NSUN2: variants seen among roughly 807,000 people sequenced by gnomAD.
NSUN2 encodes the protein NOP2/Sun RNA methyltransferase 2.
A neutral mutation model predicts 92.7 loss-of-function variants in NSUN2; 63 were observed. That is an observed-to-expected ratio of 0.68 (90% CI 0.56 to 0.84). The LOEUF (loss-of-function observed/expected upper bound fraction) is 0.84, where lower values mean the gene tolerates loss of function less well. Ranked by LOEUF, NSUN2 falls within the 40% of genes least tolerant of loss-of-function variation. NSUN2 has a pLI of 0.00. For missense variants in NSUN2, 989 were observed against 964.9 expected, an observed-to-expected ratio of 1.02 and a Z score of -0.33; for synonymous variants, 356 against 348.3, an observed-to-expected ratio of 1.02 and a Z score of -0.25.
At chr5:6,604,726 A>T in intron 15 of NSUN2, 41 bp from the exon 16 acceptor site, 2 of 1,515,632 alleles carry the variant, frequency 1.3e-6, no homozygotes, top group Non-Finnish European at 1.8e-6. Flanking sequence ...AGAGATGAAG[A>T]CAGGACCATC....
chr5:6,614,527 CAGG>C (rs1378993051), intron 9 of NSUN2, among the ~76,000 whole-genome samples: 3 of 152,178 alleles, frequency 2.0e-5, no homozygotes, highest in East Asian at 3.9e-4. Context: ...AGTGGGTTTT[CAGG>C]AGAATGATGG....
intron 14 of NSUN2, 117 bp from the exon 15 acceptor site, chr5:6,605,525 G>C: frequency 9.8e-7 from 1 of 1,017,124 alleles, no homozygotes; most frequent in Non-Finnish European, 1.5e-6. Context: ...TGTGGTTCAA[G>C]GGCACTGGGC....
chr5:6,621,356 A>G (rs1737430174), intron 6 of NSUN2: 1 of 152,082 alleles, frequency 6.6e-6, no homozygotes, highest in African/African-American at 2.4e-5. Flanking sequence ...AATAATAATA[A>G]TAATAGTAAT....
chr5:6,607,301 A>C lies in NSUN2; in HGVS notation c.1407T>G (p.Ser469=), dbSNP rs756744254. Residue 469 remains serine, a synonymous_variant, in exon 13 of 19, where the codon TCT becomes TCG. Coordinates refer to ENST00000264670, the MANE Select transcript of NSUN2 (RefSeq NM_017755.6). ...CTGTGAATGACGGACTTTCCAGCTT[A>C]GAGGGATCTGTGGGTTTCCCTTCTG... The part of the protein sequence containing the change: ...DLTEGKPTDP[S]KLESPSFTGT... 6.2e-7 allele frequency: 1 copy of C among 1,614,224 alleles called. No homozygotes were observed. The highest frequency in any genetic ancestry group is 8.5e-7 in the Non-Finnish European group (1 of 1,180,026).
rs142866104 is a variant in NSUN2 at position 6,629,745 on chromosome 5, G to A, written c.359+2128C>T. Among the ~76,000 whole-genome samples, 89 of 152,286 alleles carry A rather than the reference G, an allele frequency of 5.8e-4. 1 individual carries two copies. The highest frequency in any genetic ancestry group is 2.0e-3 in the African/African-American group (85 of 41,560). The stretch of plus-strand genomic sequence containing the variant: ...CGTGTCAAGGGCAGGACGAGGTGGA[G>A]ATAATTAAATCCCCGGGCCGTTTCC... On this transcript the variant is annotated intron_variant, in intron 3 of 18. Coordinates refer to ENST00000264670, the MANE Select transcript of NSUN2 (RefSeq NM_017755.6).
intron 9 of NSUN2, among the ~76,000 whole-genome samples, chr5:6,614,296 A>C (rs952967103): frequency 2.0e-4 from 30 of 152,014 alleles, no homozygotes; most frequent in Non-Finnish European, 3.1e-4. Context: ...ATCCACAATC[A>C]AGAAAGGTTT....
At chr5:6,629,518 C>T (rs1318706113) in intron 3 of NSUN2, among the ~76,000 whole-genome samples, 1 of 152,212 alleles carries the variant, frequency 6.6e-6, no homozygotes, top group African/African-American at 2.4e-5. Flanking sequence ...AAAAGCATTT[C>T]TTATCCCGTC....
intron 3 of NSUN2, among the ~76,000 whole-genome samples, chr5:6,626,362 G>T (rs948406088): frequency 4.0e-5 from 6 of 149,470 alleles, no homozygotes; most frequent in Non-Finnish European, 7.4e-5. Context: ...GAGAAATGGG[G>T]GATACTAAAA....
At chr5:6,625,760 G>A in intron 3 of NSUN2, 91 bp from the exon 4 acceptor site, 2 of 832,460 alleles carry the variant, frequency 2.4e-6, no homozygotes, top group South Asian at 1.4e-5. Flanking sequence ...CATGCCAAAT[G>A]AGACTTCGAA....
chr5:6,629,270 T>C (rs372459162), intron 3 of NSUN2, among the ~76,000 whole-genome samples: 2 of 152,210 alleles, frequency 1.3e-5, no homozygotes, highest in East Asian at 1.9e-4. Context: ...CCCAGACACA[T>C]TGTTAAACAA....
rs1297994428 is a variant in NSUN2 at position 6,632,498 on chromosome 5, C to A, written c.254+101G>T. On this transcript the variant is annotated intron_variant, in intron 2 of 18. Transcript: ENST00000264670. Reference sequence around the variant, plus strand: ...CTGAATCCAAACCGCTGAAACGCCACGGTTCTCTGGCACTGTAACACTTGT... The same window carrying A: ...CTGAATCCAAACCGCTGAAACGCCAAGGTTCTCTGGCACTGTAACACTTGT... The A allele has an allele frequency of 5.1e-6, 7 of 1,375,488 alleles. No individual in the cohort carries two copies. In the African/African-American group the frequency reaches 1.0e-4, roughly 20 times the overall value. The allele number at this position is 1,375,488 out of a possible 1,614,324, so 85.2% of individuals were successfully genotyped here. A position where few individuals can be genotyped will look rare whatever the true frequency, so the allele number is the denominator to read the frequency against.
chr5:6,608,655 T>C (rs1020003433), intron 12 of NSUN2, among the ~76,000 whole-genome samples: 3 of 152,242 alleles, frequency 2.0e-5, no homozygotes, highest in Non-Finnish European at 4.4e-5. Context: ...ATGTAAGTAT[T>C]AACACGTCAG....
In NSUN2 at chr5:6,611,884, C is replaced by T. The variant is rs895898946; in HGVS notation, c.1022-86G>A. Reference sequence around the variant, plus strand: ...AGTGAAAAAAACCAGACACAGATCACATATTATATGATTCCATGTACAGAA... The same window carrying T: ...AGTGAAAAAAACCAGACACAGATCATATATTATATGATTCCATGTACAGAA... On this transcript the variant is annotated intron_variant, in intron 9 of 18. Coordinates refer to ENST00000264670, the MANE Select transcript of NSUN2 (RefSeq NM_017755.6). The T allele has an allele frequency of 6.2e-6, 7 of 1,127,334 alleles. No individual in the cohort carries two copies. The African/African-American group carries it at 7.8e-5, about 13-fold the overall frequency. 69.8% of individuals were successfully genotyped at this position (1,127,334 alleles called of 1,614,324 possible).
chr5:6,627,532 T>C (rs1010139599), intron 3 of NSUN2, among the ~76,000 whole-genome samples: 2 of 152,252 alleles, frequency 1.3e-5, no homozygotes, highest in Admixed American at 6.5e-5. Context: ...TAGCCTTATA[T>C]GTCTTTTTCG....
chr5:6,624,240 C>T (rs1262105973), intron 4 of NSUN2, among the ~76,000 whole-genome samples: 2 of 152,194 alleles, frequency 1.3e-5, no homozygotes, highest in African/African-American at 4.8e-5. Flanking sequence ...CTGTATCCAT[C>T]CAAGGTTTTG....
At chr5:6,604,049 T>C (rs1288951359) in intron 17 of NSUN2, 89 bp downstream of exon 17, 4 of 1,158,324 alleles carry the variant, frequency 3.5e-6, no homozygotes, top group Non-Finnish European at 4.9e-6. Flanking sequence ...CTATGATTGA[T>C]AAATATGCCC....
Position 6,618,138 on chromosome 5 carries a change from G to C in NSUN2, c.816-114C>G, listed in dbSNP as rs1030128094. ...AACAAGTGTTACAAATATCAGTTAGGAAACAATCTCCATTTTCACCAACTG... is the reference window on the plus strand; with the variant it reads ...AACAAGTGTTACAAATATCAGTTAGCAAACAATCTCCATTTTCACCAACTG... On this transcript the variant is annotated intron_variant, in intron 7 of 18. Transcript: ENST00000264670. 6.0e-6 allele frequency: 4 copies of C among 668,986 alleles called. No homozygotes were observed. The Admixed American group carries it at 1.1e-4, about 18-fold the overall frequency. The allele number at this position is 668,986 out of a possible 1,614,324, so 41.4% of individuals were successfully genotyped here. A position where few individuals can be genotyped will look rare whatever the true frequency, so the allele number is the denominator to read the frequency against.
At chr5:6,612,146 C>T (rs1014339765) in intron 9 of NSUN2, among the ~76,000 whole-genome samples, 1 of 152,158 alleles carries the variant, frequency 6.6e-6, no homozygotes, top group Non-Finnish European at 1.5e-5. Context: ...AATATGTAAA[C>T]GACAGCTCAA....
chr5:6,604,497 G>C, intron 16 of NSUN2, 108 bp downstream of exon 16: 1 of 1,091,742 alleles, frequency 9.2e-7, no homozygotes, highest in Admixed American at 1.7e-5. Context: ...GTAGGTGCCA[G>C]CCAAGCCCTG....
Sources: allele counts gnomAD v4.1 joint callset (sites outside exome capture counted in the v4.1 genomes callset), GRCh38; gene constraint gnomAD v4.1.1; transcripts MANE v1.5; gene names NCBI Gene and HGNC (gene_info 2026-07-23, HGNC 2026-07-21).